Variants in RGS6 observed in about 807,000 individuals in gnomAD.
RGS6 encodes the protein regulator of G-protein signaling 6.
RGS6 carries 30 observed loss-of-function variants against 78.5 expected under a neutral mutation model. The observed-to-expected ratio is 0.38, with a 90% CI of 0.29 to 0.52. RGS6 has a LOEUF of 0.52. Among genes scored for constraint, RGS6 ranks in the 20% least tolerant of loss-of-function variants. The pLI is 0.85. For synonymous variants in RGS6, 206 were observed against 206.0 expected (o/e 1.00, Z 0.00); for missense variants, 495 against 609.7 (o/e 0.81, Z 1.98).
intron 1 of RGS6, among the ~76,000 whole-genome samples, chr14:71,933,625 A>G (rs1412575074): frequency 6.6e-6 from 1 of 152,148 alleles, no homozygotes. Context: ...AAGCTGCTGT[A>G]TTTCATTTTT....
intron 2 of RGS6, among the ~76,000 whole-genome samples, chr14:72,091,599 G>A (rs1455494068): frequency 6.6e-6 from 1 of 152,172 alleles, no homozygotes; most frequent in Non-Finnish European, 1.5e-5. Context: ...CCTATCCACT[G>A]TGGAATCTTA....
intron 2 of RGS6, among the ~76,000 whole-genome samples, chr14:72,242,113 A>G (rs1161544390): frequency 2.0e-5 from 3 of 152,222 alleles, no homozygotes; most frequent in African/African-American, 7.2e-5. Context: ...CATATTAACA[A>G]GAGAAAAGAC....
the RGS6 span, among the ~76,000 whole-genome samples, chr14:72,605,402 C>T: frequency 2.0e-5 from 3 of 152,320 alleles, no homozygotes; most frequent in South Asian, 4.1e-4. Flanking sequence ...AGCTTGCTTC[C>T]CCCGGAGAAC....
chr14:72,278,608 A>G (rs190398168), intron 2 of RGS6, among the ~76,000 whole-genome samples: 1 of 152,194 alleles, frequency 6.6e-6, no homozygotes, highest in East Asian at 1.9e-4. Context: ...ATACATATAC[A>G]TTTATATATG....
intron 1 of RGS6, among the ~76,000 whole-genome samples, chr14:71,947,611 A>C (rs1404567918): frequency 1.3e-5 from 2 of 152,128 alleles, no homozygotes; most frequent in African/African-American, 4.8e-5. Context: ...CAGCCTCCCA[A>C]GTAGCTGGGA....
the RGS6 span, among the ~76,000 whole-genome samples, chr14:72,624,909 G>A: frequency 3.3e-5 from 5 of 152,116 alleles, no homozygotes; most frequent in African/African-American, 7.2e-5. Context: ...GCATCATATC[G>A]GGGGAAATTG....
rs370779936 is a variant in RGS6, at chr14:71,984,484, G to GAAAAAAAA, written c.84+19613_84+19620dup. Among the ~76,000 whole-genome samples the GAAAAAAAA allele has an allele frequency of 6.0e-4, 70 of 117,424 alleles. 5 individuals carry two copies. The highest frequency in any genetic ancestry group is 3.8e-3 in the East Asian group (14 of 3,720). The allele number at this position is 117,424 out of a possible 152,430, so 77.0% of individuals were successfully genotyped here. A position where few individuals can be genotyped will look rare whatever the true frequency, so the allele number is the denominator to read the frequency against. On this transcript the variant is annotated intron_variant, in intron 2 of 17. Transcript: ENST00000553525. ...ATATAGTGAGACCCTGTCTCAAAAA[G>GAAAAAAAA]AAAAAAAAAAAGTTGGTGTGGACAA...
chr14:71,908,174 A>G, the RGS6 span: 1 of 152,238 alleles, frequency 6.6e-6, no homozygotes, highest in Non-Finnish European at 1.5e-5. Context: ...GATAATTGAC[A>G]ATAGGCTCCC....
intron 1 of RGS6, among the ~76,000 whole-genome samples, chr14:71,938,719 A>G (rs1434132956): frequency 6.6e-6 from 1 of 152,176 alleles, no homozygotes; most frequent in Non-Finnish European, 1.5e-5. Flanking sequence ...GCTGCTGTGC[A>G]CAACCCACTT....
chr14:72,415,754 C>A (rs1364277105), intron 3 of RGS6, among the ~76,000 whole-genome samples: 1 of 152,200 alleles, frequency 6.6e-6, no homozygotes, highest in East Asian at 1.9e-4. Context: ...AAAGCAACAT[C>A]CATCACAAGA....
the RGS6 span, among the ~76,000 whole-genome samples, chr14:71,906,706 C>T: frequency 7.8e-6 from 1 of 128,918 alleles, no homozygotes; most frequent in Admixed American, 8.1e-5. Flanking sequence ...TATACAAGGT[C>T]TTCCATTTGA....
At chr14:71,991,158 G>T (rs760245294) in intron 2 of RGS6, among the ~76,000 whole-genome samples, 10 of 152,196 alleles carry the variant, frequency 6.6e-5, no homozygotes, top group Non-Finnish European at 1.3e-4. Context: ...TTTCTCAGAT[G>T]AGATTCTCTG....
chr14:72,615,058 CA>C, the RGS6 span, among the ~76,000 whole-genome samples: 1 of 152,142 alleles, frequency 6.6e-6, no homozygotes, highest in African/African-American at 2.4e-5. Flanking sequence ...TGGCTCTGGC[CA>C]GAGCCAACTT....
intron 2 of RGS6, among the ~76,000 whole-genome samples, chr14:71,995,807 C>G (rs911795726): frequency 3.3e-5 from 5 of 152,232 alleles, no homozygotes; most frequent in Non-Finnish European, 7.3e-5. Flanking sequence ...CCATCCCCCA[C>G]CAGCTTGACA....
chr14:72,585,006 A>T, the RGS6 span, among the ~76,000 whole-genome samples: 2 of 152,158 alleles, frequency 1.3e-5, no homozygotes, highest in Non-Finnish European at 2.9e-5. Context: ...CAGGAGCTAG[A>T]TGCAAAGAAA....
intron 2 of RGS6, chr14:71,990,752 C>T: frequency 2.2e-6 from 1 of 456,026 alleles, no homozygotes; most frequent in Non-Finnish European, 4.4e-6. Context: ...AAATTGCTAT[C>T]CTCTCTCCAA....
intron 12 of RGS6, among the ~76,000 whole-genome samples, chr14:72,488,067 A>G (rs775219548): frequency 1.3e-5 from 2 of 152,174 alleles, no homozygotes; most frequent in Admixed American, 6.5e-5. Flanking sequence ...TGCCCATCTA[A>G]TTTTACTGTT....
chr14:72,085,853 CAAAAAAAAAAA>C (rs35951230), intron 2 of RGS6, among the ~76,000 whole-genome samples: 2 of 72,742 alleles, frequency 2.7e-5, no homozygotes, highest in African/African-American at 5.6e-5. Context: ...GACACCATCT[CAAAAAAAAAAA>C]AAAAAAAAAA....
chr14:72,101,682 G>A (rs1417840742), intron 2 of RGS6, among the ~76,000 whole-genome samples: 2 of 152,194 alleles, frequency 1.3e-5, no homozygotes, highest in Non-Finnish European at 2.9e-5. Flanking sequence ...TACGTGTTGT[G>A]CATCTCTGTT....
Sources: gnomAD v4.1 joint callset for allele counts (sites outside exome capture counted in the v4.1 genomes callset) on GRCh38, gnomAD v4.1.1 for gene constraint, MANE v1.5 for transcripts, NCBI Gene and HGNC (gene_info 2026-07-23, HGNC 2026-07-21) for gene names.